Variants in CATSPERG observed in about 807,000 individuals in gnomAD.
CATSPERG encodes the protein cation channel sperm-associated auxiliary subunit gamma.
In CATSPERG, 115 loss-of-function variants were observed where a neutral mutation model predicts 145.0. The ratio of observed to expected loss-of-function variants is 0.79; its 90% CI spans 0.68 to 0.93. The LOEUF (loss-of-function observed/expected upper bound fraction) is 0.93, where lower values mean the gene tolerates loss of function less well. Ranked by LOEUF, CATSPERG falls within the 40% of genes least tolerant of loss-of-function variation. The pLI, the probability that CATSPERG is intolerant of heterozygous loss-of-function variation, is 0.00. For missense variants in CATSPERG, 1,296 were observed against 1,490.1 expected (o/e 0.87, Z 2.14); for synonymous variants, 588 against 589.0 (o/e 1.00, Z 0.02).
In CATSPERG at chr19:38,360,852, A is replaced by ACACCGGAC; in HGVS notation, c.1880+12_1880+19dup. On this transcript the variant is annotated intron_variant, in intron 16 of 28. Coordinates refer to ENST00000409235, the MANE Select transcript of CATSPERG (RefSeq NM_021185.5). ...GACTTGGAGCGGAAAGGGTGAGAAG[A>ACACCGGAC]CACCGGACCATGACAGGGGTCTGAG... 1.3e-6 allele frequency: 2 copies of ACACCGGAC among 1,599,734 alleles called. No individual in the cohort carries two copies. Among genetic ancestry groups the ACACCGGAC allele is most frequent in the Non-Finnish European group, 1.7e-6 (2 of 1,171,186 alleles).
intron 13 of CATSPERG, 47 bp downstream of exon 13, chr19:38,358,608 C>A: frequency 6.2e-7 from 1 of 1,612,226 alleles, no homozygotes; most frequent in South Asian, 1.1e-5. Flanking sequence ...TCTGTCTCCC[C>A]AGCAACTTTA....
intron 23 of CATSPERG, 34 bp from the exon 24 acceptor site, chr19:38,367,472 TTTC>T (rs766900504): frequency 2.5e-5 from 40 of 1,602,556 alleles, no homozygotes; most frequent in Middle Eastern, 1.7e-4. Flanking sequence ...GCCAAGCTAA[TTTC>T]TTCTTCTGGT....
At chr19:38,338,953 G>A (rs771218337) in intron 3 of CATSPERG, among the ~76,000 whole-genome samples, 3 of 152,104 alleles carry the variant, frequency 2.0e-5, no homozygotes, top group Non-Finnish European at 2.9e-5. Flanking sequence ...AGGTCGGGGG[G>A]AGGGGGTGGC....
In CATSPERG at chr19:38,370,852, A is replaced by T; in HGVS notation, c.*60A>T. ...CGCCTCTCTTATGAGGCCCATCTTG[A>T]AGATGCAACCTGTCACCCAGCCCAG... On this transcript the variant is annotated 3_prime_UTR_variant, in exon 29 of 29. Coordinates refer to ENST00000409235, the MANE Select transcript of CATSPERG (RefSeq NM_021185.5). The T allele has an allele frequency of 1.3e-6, 2 of 1,561,626 alleles. No individual in the cohort carries two copies. The highest frequency in any genetic ancestry group is 2.3e-5 in the South Asian group (2 of 88,746).
At chr19:38,364,170 T>C (rs1389671505) in intron 20 of CATSPERG, among the ~76,000 whole-genome samples, 1 of 150,416 alleles carries the variant, frequency 6.6e-6, no homozygotes, top group Non-Finnish European at 1.5e-5. Flanking sequence ...CAGGACGGGG[T>C]GGCTGCCGGG....
At chr19:38,364,125 G>T (rs1240651060) in intron 20 of CATSPERG, among the ~76,000 whole-genome samples, 1 of 151,632 alleles carries the variant, frequency 6.6e-6, no homozygotes, top group African/African-American at 2.4e-5. Context: ...CGGACGGGGC[G>T]GCTGGCCTGG....
At chr19:38,359,685 C>G in intron 14 of CATSPERG, 104 bp downstream of exon 14, 1 of 1,461,092 alleles carries the variant, frequency 6.8e-7, no homozygotes, top group Non-Finnish European at 9.1e-7. Flanking sequence ...AAGGGGGCAC[C>G]CTCGGGGACC....
At chr19:38,361,602 C>T (rs558953901) in intron 16 of CATSPERG, 46 bp from the exon 17 acceptor site, 8 of 1,489,574 alleles carry the variant, frequency 5.4e-6, no homozygotes, top group Non-Finnish European at 7.3e-6. Context: ...TTCCAGTGCG[C>T]GGGGTGCCTT....
At chr19:38,358,096 C>T (rs903277717) in intron 11 of CATSPERG, 182 bp from the exon 12 acceptor site, 52 of 617,952 alleles carry the variant, frequency 8.4e-5, no homozygotes, top group Non-Finnish European at 1.3e-4. Flanking sequence ...CCAGCCTGGG[C>T]GACAGGGAGA....
intron 8 of CATSPERG, 146 bp downstream of exon 8, chr19:38,352,578 A>T: frequency 1.5e-6 from 1 of 680,436 alleles, no homozygotes; most frequent in Admixed American, 2.4e-5. Context: ...CCCACCCCGA[A>T]TGGGCCTTGC....
In CATSPERG at chr19:38,370,834, C is replaced by T; in HGVS notation, c.*42C>T. 1 of 1,592,012 alleles carries T rather than the reference C, an allele frequency of 6.3e-7. No individual in the cohort carries two copies. Among genetic ancestry groups the T allele is most frequent in the Non-Finnish European group, 8.6e-7 (1 of 1,163,488 alleles). On this transcript the variant is annotated 3_prime_UTR_variant, in exon 29 of 29. Transcript: ENST00000409235. ...AGCCCCCAGTTACTGTCACGCCTCT[C>T]TTATGAGGCCCATCTTGAAGATGCA...
In CATSPERG at chr19:38,358,500, G is replaced by A. The variant is rs1163966536; in HGVS notation, c.1435G>A (p.Gly479Ser). The A allele has an allele frequency of 6.2e-7, 1 of 1,614,050 alleles. No homozygotes were observed. The highest frequency in any genetic ancestry group is 8.5e-7 in the Non-Finnish European group (1 of 1,180,038). Residue 479 changes from glycine to serine, a missense_variant, in exon 13 of 29, where the codon GGC becomes AGC. Coordinates refer to ENST00000409235, the MANE Select transcript of CATSPERG (RefSeq NM_021185.5). ...CACCAGCACTGCAATGGCCCCCAAGGGCATCTTCTGTAACCCGTACAACAA... is the reference window on the plus strand; with the variant it reads ...CACCAGCACTGCAATGGCCCCCAAGAGCATCTTCTGTAACCCGTACAACAA... ...SYTSTAMAPK[G>S]IFCNPYNNLI...
chr19:38,340,900 G>A (rs1969927139), intron 3 of CATSPERG, among the ~76,000 whole-genome samples: 1 of 144,332 alleles, frequency 6.9e-6, no homozygotes, highest in African/African-American at 2.5e-5. Flanking sequence ...AAAGGAGGGG[G>A]GGGCACTGTT....
At chr19:38,354,871 C>A (rs752244603) in intron 9 of CATSPERG, 24 bp downstream of exon 9, 1 of 1,610,330 alleles carries the variant, frequency 6.2e-7, no homozygotes, top group Non-Finnish European at 8.5e-7. Context: ...CCTCTGTCAG[C>A]CCCAGGGACC....
intron 25 of CATSPERG, 80 bp downstream of exon 25, chr19:38,367,856 G>A (rs983953834): frequency 2.9e-5 from 40 of 1,370,070 alleles, no homozygotes; most frequent in Non-Finnish European, 3.2e-5. Flanking sequence ...AGCCCACCTC[G>A]CAAGCCCCCA....
intron 8 of CATSPERG, 99 bp from the exon 9 acceptor site, chr19:38,354,611 G>A (rs1970210636): frequency 4.3e-6 from 6 of 1,408,460 alleles, no homozygotes; most frequent in Non-Finnish European, 5.8e-6. Context: ...AGCATGAGAG[G>A]ACAGATAACA....
rs769361008 is a variant in CATSPERG at position 38,362,516 on chromosome 19, C to A, written c.2298C>A (p.Tyr766Ter). The change falls in exon 19 of 29, where the codon TAC becomes TAA. Residue 766 changes from tyrosine (Y) to a stop codon, truncating the protein, a stop_gained. Transcript: ENST00000409235. LOFTEE classifies it high-confidence loss of function. ...ERIFLDKGTE[Y>*]SFAIFLSAQG... ...TTTTCCTGGACAAGGGCACTGAGTA[C>A]AGCTTCGCCATCTTCCTGTCGGCGC... is the stretch of plus-strand genomic sequence containing the variant. 38 of 1,613,938 alleles carry A rather than the reference C, an allele frequency of 2.4e-5. No homozygotes were observed. The highest frequency in any genetic ancestry group is 3.0e-5 in the Non-Finnish European group (35 of 1,180,046).
chr19:38,364,145 A>ACC (rs1475728933), intron 20 of CATSPERG, among the ~76,000 whole-genome samples: 2 of 149,284 alleles, frequency 1.3e-5, no homozygotes, highest in South Asian at 2.1e-4. Flanking sequence ...GCGGGGGCTG[A>ACC]CCCCCACCTC....
At position 38,360,516 on chromosome 19, in the gene CATSPERG, C is replaced by T. The variant is rs373564244; in HGVS notation, c.1636C>T (p.Arg546Trp). 2.5e-5 allele frequency: 41 copies of T among 1,614,010 alleles called. No individual in the cohort carries two copies. The highest frequency in any genetic ancestry group is 1.6e-4 in the Middle Eastern group (1 of 6,082). ...EIWYLLEGSY[R>W]VYQLFPSKGW... ...CTGGTACCTCCTGGAGGGCAGCTAC[C>T]GGGTCTACCAGCTGTTCCCTTCCAA... Residue 546 changes from arginine to tryptophan, a missense_variant, in exon 15 of 29, where the codon CGG (arginine) becomes TGG (tryptophan). Physicochemically the swap from Arg to Trp is moderately radical, Grantham distance 101. Transcript: ENST00000409235.
Sources: allele counts gnomAD v4.1 joint callset (sites outside exome capture counted in the v4.1 genomes callset), GRCh38; gene constraint gnomAD v4.1.1; transcripts MANE v1.5; gene names NCBI Gene and HGNC (gene_info 2026-07-23, HGNC 2026-07-21).